Variants in PKN2 observed in about 807,000 individuals in gnomAD.
The protein encoded by PKN2 is serine/threonine-protein kinase N2.
Under a neutral mutation model 119.1 loss-of-function variants are expected in PKN2, and 38 were observed. That is an observed-to-expected ratio of 0.32 (90% CI 0.25 to 0.42). PKN2 has a LOEUF of 0.42. PKN2 is among the 10% of genes least tolerant of loss of function. The pLI, the probability that PKN2 is intolerant of heterozygous loss-of-function variation, is 1.00. For synonymous variants in PKN2, 390 were observed against 384.9 expected, an observed-to-expected ratio of 1.01 and a Z score of -0.15; for missense variants, 850 against 1,165.1, an observed-to-expected ratio of 0.73 and a Z score of 3.94.
chr1:88,737,291 A>G (rs75210971), intron 1 of PKN2, among the ~76,000 whole-genome samples: 1,526 of 152,216 alleles, frequency 0.01, 22 homozygotes, highest in African/African-American at 0.035. Flanking sequence ...CACTGAGGCC[A>G]TGTCTCTCTG....
At chr1:88,797,506 G>C (rs988222831) in intron 8 of PKN2, among the ~76,000 whole-genome samples, 2 of 151,576 alleles carry the variant, frequency 1.3e-5, no homozygotes, top group Non-Finnish European at 2.9e-5. Flanking sequence ...GCTGGATGTG[G>C]TGGTGCACAC....
intron 3 of PKN2, among the ~76,000 whole-genome samples, chr1:88,767,112 C>T (rs949467023): frequency 6.6e-6 from 1 of 151,992 alleles, no homozygotes; most frequent in African/African-American, 2.4e-5. Context: ...TACATTAGAA[C>T]TTCATTGGAA....
chr1:88,750,456 C>T (rs906435497), intron 2 of PKN2, among the ~76,000 whole-genome samples: 1 of 152,146 alleles, frequency 6.6e-6, no homozygotes, highest in Non-Finnish European at 1.5e-5. Flanking sequence ...TTGCTCTACA[C>T]GTTTTGGGGG....
rs916755454 is a variant in PKN2 at position 88,684,719 on chromosome 1, C to G, written c.48+91C>G. 6.2e-6 allele frequency: 7 copies of G among 1,131,116 alleles called. No individual in the cohort carries two copies. In the South Asian group the frequency reaches 1.2e-4, roughly 20 times the overall value. 70.1% of individuals were successfully genotyped at this position (1,131,116 alleles called of 1,614,324 possible). On this transcript the variant is annotated intron_variant, in intron 1 of 21. Transcript: ENST00000370521. ...CGGGGACCGAGGAAAGCCCTGCGGC[C>G]GCCGCGCCCCTAGCCCGCTAAGTGC...
At chr1:88,716,997 C>T (rs1429875550) in intron 1 of PKN2, among the ~76,000 whole-genome samples, 2 of 152,154 alleles carry the variant, frequency 1.3e-5, no homozygotes, top group Non-Finnish European at 2.9e-5. Context: ...CTGGTGGTGA[C>T]AGAATCTCTC....
chr1:88,699,425 A>G (rs1666680031), intron 1 of PKN2, among the ~76,000 whole-genome samples: 1 of 152,118 alleles, frequency 6.6e-6, no homozygotes, highest in Non-Finnish European at 1.5e-5. Flanking sequence ...AAAAATTTCC[A>G]ACTTTCAAGT....
At chr1:88,826,354 A>T (rs1482008511) in intron 18 of PKN2, among the ~76,000 whole-genome samples, 1 of 152,164 alleles carries the variant, frequency 6.6e-6, no homozygotes, top group East Asian at 1.9e-4. Flanking sequence ...ATTTTGCTTC[A>T]TATGCATATC....
chr1:88,798,862 A>C (rs1205672520), intron 8 of PKN2, among the ~76,000 whole-genome samples: 1 of 152,200 alleles, frequency 6.6e-6, no homozygotes, highest in Non-Finnish European at 1.5e-5. Context: ...GCGTTCAAAA[A>C]ACCTTGGGGA....
At chr1:88,720,030 G>T (rs548167692) in intron 1 of PKN2, among the ~76,000 whole-genome samples, 407 of 151,978 alleles carry the variant, frequency 2.7e-3, no homozygotes, top group East Asian at 2.7e-3. Context: ...GTTTTTTGTT[G>T]TTGTTGTTGT....
Position 88,764,245 on chromosome 1 carries a change from C to A in PKN2, c.504+3869C>A, listed in dbSNP as rs183680387. ...TCTTACCTCAGGGCTTTTGCACTTG[C>A]TATATCTTTGCCTAGGTATCTATTC... On this transcript the variant is annotated intron_variant, in intron 3 of 21. Transcript: ENST00000370521. 3.9e-5 allele frequency among the ~76,000 whole-genome samples: 6 copies of A among 152,288 alleles called. No individual in the cohort carries two copies. In the East Asian group the frequency reaches 1.2e-3, roughly 29 times the overall value.
Position 88,805,949 on chromosome 1 carries a change from C to G in PKN2, c.1735C>G (p.Pro579Ala), listed in dbSNP as rs767813616. 1 of 1,613,556 alleles carries G rather than the reference C, an allele frequency of 6.2e-7. No individual in the cohort carries two copies. Among genetic ancestry groups the G allele is most frequent in the Non-Finnish European group, 8.5e-7 (1 of 1,179,490 alleles). The part of the protein sequence containing the change: ...DLEPEPPPAP[P>A]RASSLGEIDE... ...TGAGCCTGAACCTCCTCCAGCCCCA[C>G]CACGAGCTTCTTCTCTTGGAGAAAT... The change falls in exon 12 of 22, where the codon CCA (proline) becomes GCA (alanine). Residue 579 changes from proline (P) to alanine (A), a missense_variant. Pro to Ala is a conservative substitution (Grantham distance 27). Transcript: ENST00000370521.
At chr1:88,820,868 A>G (rs904290920) in intron 16 of PKN2, among the ~76,000 whole-genome samples, 1 of 152,216 alleles carries the variant, frequency 6.6e-6, no homozygotes, top group African/African-American at 2.4e-5. Context: ...TTTTAAATCT[A>G]TTCATTTATT....
At position 88,786,108 on chromosome 1, in the gene PKN2, T is replaced by C. The variant is rs765600778; in HGVS notation, c.1176T>C (p.Asp392=). Residue 392 remains aspartate, a synonymous_variant, in exon 8 of 22, where the codon GAT becomes GAC. Transcript: ENST00000370521. ...NLLKTDDLSN[D]VCAVLKLDNT... ...GTTTGTAAATTTTAATTACAGATGA[T>C]GTCTGTGCTGTTTTGAAGCTCGATA... 5.7e-6 allele frequency: 9 copies of C among 1,589,242 alleles called. No homozygotes were observed. Among genetic ancestry groups the C allele is most frequent in the Non-Finnish European group, 7.8e-6 (9 of 1,158,708 alleles).
At chr1:88,792,174 G>T (rs1401998984) in intron 8 of PKN2, among the ~76,000 whole-genome samples, 2 of 152,170 alleles carry the variant, frequency 1.3e-5, no homozygotes, top group African/African-American at 4.8e-5. Context: ...GGAGGCCGAG[G>T]CGGGCGGATC....
intron 1 of PKN2, among the ~76,000 whole-genome samples, chr1:88,706,045 G>A (rs1666990891): frequency 9.5e-6 from 1 of 105,628 alleles, no homozygotes; most frequent in African/African-American, 3.1e-5. Flanking sequence ...ACGGATTTTT[G>A]AATGGGGTTG....
chr1:88,775,974 G>A (rs1034472683), intron 6 of PKN2, among the ~76,000 whole-genome samples: 1 of 151,952 alleles, frequency 6.6e-6, no homozygotes, highest in African/African-American at 2.4e-5. Flanking sequence ...CGGGCGTGGT[G>A]GCAGGCCCCT....
At chr1:88,812,346 T>C (rs1045405781) in intron 15 of PKN2, among the ~76,000 whole-genome samples, 5 of 152,328 alleles carry the variant, frequency 3.3e-5, no homozygotes, top group Admixed American at 2.6e-4. Flanking sequence ...ATACCACTTA[T>C]ATGTTCCACC....
chr1:88,726,604 A>G (rs1195783339), intron 1 of PKN2, among the ~76,000 whole-genome samples: 1 of 152,156 alleles, frequency 6.6e-6, no homozygotes, highest in Admixed American at 6.5e-5. Flanking sequence ...TATTACATCT[A>G]AATTCATGAG....
chr1:88,711,100 G>T, intron 1 of PKN2, among the ~76,000 whole-genome samples: 1 of 152,078 alleles, frequency 6.6e-6, no homozygotes. Context: ...ATGAGAACAC[G>T]TGGGCACATA....
Sources: gnomAD v4.1 joint callset for allele counts (sites outside exome capture counted in the v4.1 genomes callset) on GRCh38, gnomAD v4.1.1 for gene constraint, MANE v1.5 for transcripts, NCBI Gene and HGNC (gene_info 2026-07-23, HGNC 2026-07-21) for gene names.